The following SLC4A8 variants were observed in gnomAD, a reference collection of about 807,000 sequenced individuals.
SLC4A8 encodes electroneutral sodium bicarbonate exchanger 1.
In SLC4A8, 40 loss-of-function variants were observed where a neutral mutation model predicts 125.0. The ratio of observed to expected loss-of-function variants is 0.32; its 90% CI spans 0.25 to 0.42. The LOEUF (loss-of-function observed/expected upper bound fraction) is 0.42. Among genes scored for constraint, SLC4A8 ranks in the 10% least tolerant of loss-of-function variants. The pLI is 1.00. For missense variants in SLC4A8, 863 were observed against 1,355.1 expected (o/e 0.64, Z 5.70); for synonymous variants, 456 against 476.0 (o/e 0.96, Z 0.55).
chr12:51,415,368 C>T (rs966045048), intron 1 of SLC4A8, among the ~76,000 whole-genome samples: 2 of 152,108 alleles, frequency 1.3e-5, no homozygotes, highest in South Asian at 4.1e-4. Context: ...CTATCCAGTT[C>T]TGGGTTTTTC....
intron 19 of SLC4A8, among the ~76,000 whole-genome samples, chr12:51,491,314 G>A (rs571700604): frequency 6.6e-6 from 1 of 152,254 alleles, no homozygotes; most frequent in South Asian, 2.1e-4. Context: ...TCAGGGAAAA[G>A]AGACGACGTA....
intron 6 of SLC4A8, among the ~76,000 whole-genome samples, chr12:51,458,068 C>T (rs375602113): frequency 6.6e-6 from 1 of 152,256 alleles, no homozygotes; most frequent in East Asian, 1.9e-4. Flanking sequence ...TTGTGAACTT[C>T]AATGAGTTAA....
At position 51,442,071 on chromosome 12, in the gene SLC4A8, A is replaced by G. The variant is rs569938785; in HGVS notation, c.130+1282A>G. ...TACAAGTTGTCCTTTTCATCTTCAT[A>G]GCACCCCAGGCAGGTAGGTATCATT... On this transcript the variant is annotated intron_variant, in intron 2 of 24. Coordinates refer to ENST00000453097, the MANE Select transcript of SLC4A8 (RefSeq NM_001039960.3). 4.6e-5 allele frequency among the ~76,000 whole-genome samples: 7 copies of G among 152,292 alleles called. No homozygotes were observed. The South Asian group carries it at 1.5e-3, about 32-fold the overall frequency.
chr12:51,476,773 C>A (rs1283937807), intron 16 of SLC4A8, among the ~76,000 whole-genome samples: 1 of 152,064 alleles, frequency 6.6e-6, no homozygotes, highest in Non-Finnish European at 1.5e-5. Flanking sequence ...AAATAAAAAA[C>A]CTTCTTGGTG....
At chr12:51,462,576 C>A in intron 10 of SLC4A8, 120 bp downstream of exon 10, 1 of 707,828 alleles carries the variant, frequency 1.4e-6, no homozygotes, top group Non-Finnish European at 2.1e-6. Context: ...TTTTGGTGCA[C>A]CTAGAATATC....
chr12:51,504,033 C>T lies in SLC4A8; in HGVS notation c.3086C>T (p.Ala1029Val). Residue 1029 changes from alanine to valine, a missense_variant, in exon 23 of 25, where the codon GCT (alanine) becomes GTT (valine). Physicochemically the swap from Ala to Val is moderately conservative, Grantham distance 64. Coordinates refer to ENST00000453097, the MANE Select transcript of SLC4A8 (RefSeq NM_001039960.3). ...AKKKAKEEEE[A>V]EKMLEIGGDK... is the part of the protein sequence containing the mutation. ...TAATGTTTCTTTTTCTTCCAGGAGGCTGAGAAAATGTTAGAAATTGGGGGA... is the reference window on the plus strand; with the variant it reads ...TAATGTTTCTTTTTCTTCCAGGAGGTTGAGAAAATGTTAGAAATTGGGGGA... The T allele has an allele frequency of 6.4e-7, 1 of 1,565,300 alleles. No individual in the cohort carries two copies. The highest frequency in any genetic ancestry group is 8.7e-7 in the Non-Finnish European group (1 of 1,148,832).
At chr12:51,438,770 C>T (rs1949498678) in intron 1 of SLC4A8, among the ~76,000 whole-genome samples, 4 of 152,148 alleles carry the variant, frequency 2.6e-5, no homozygotes, top group Admixed American at 2.6e-4. Flanking sequence ...CTTTCTTCTT[C>T]ATATCCTTGC....
chr12:51,407,450 G>A (rs1466450810), intron 1 of SLC4A8, among the ~76,000 whole-genome samples: 1 of 150,144 alleles, frequency 6.7e-6, no homozygotes, highest in Non-Finnish European at 1.5e-5. Context: ...TTTTTTTTTG[G>A]TAGAAATGAG....
chr12:51,460,645 T>C (rs751738702), intron 8 of SLC4A8, among the ~76,000 whole-genome samples: 1 of 152,232 alleles, frequency 6.6e-6, no homozygotes, highest in Non-Finnish European at 1.5e-5. Context: ...AGGTATTTGT[T>C]TCCCTTTGCA....
intron 6 of SLC4A8, among the ~76,000 whole-genome samples, chr12:51,458,335 G>A (rs1194039007): frequency 6.6e-6 from 1 of 152,190 alleles, no homozygotes; most frequent in Non-Finnish European, 1.5e-5. Flanking sequence ...GGTCATAAAT[G>A]TGTTCAGAAA....
At chr12:51,461,352 T>A in intron 9 of SLC4A8, 61 bp downstream of exon 9, 2 of 977,084 alleles carry the variant, frequency 2.0e-6, no homozygotes, top group Non-Finnish European at 3.3e-6. Context: ...ATTTACTCTG[T>A]GCCAGGCAAT....
At chr12:51,474,654 C>A in intron 15 of SLC4A8, 1 of 856,814 alleles carries the variant, frequency 1.2e-6, no homozygotes, top group Admixed American at 2.8e-5. Flanking sequence ...TCTTTTCTCC[C>A]CCCTACATCC....
chr12:51,508,410 G>A lies in SLC4A8; in HGVS notation c.*972G>A, dbSNP rs1419660227. On this transcript the variant is annotated 3_prime_UTR_variant, in exon 25 of 25. Transcript: ENST00000453097. ...GATGTTTTTATTGGCCATTTTGCGG[G>A]ACTCTTCGACTTCTTGCTGCTGTCT... 2 of 151,036 alleles carry A rather than the reference G, an allele frequency of 1.3e-5. No individual in the cohort carries two copies. Among genetic ancestry groups the A allele is most frequent in the East Asian group, 3.9e-4 (2 of 5,082 alleles). The allele number at this position is 151,036 out of a possible 1,614,324, so 9.4% of individuals were successfully genotyped here.
chr12:51,450,784 TA>T, intron 2 of SLC4A8, 91 bp from the exon 3 acceptor site: 2 of 1,365,522 alleles, frequency 1.5e-6, no homozygotes, highest in Non-Finnish European at 2.1e-6. Context: ...AGAACTGTGA[TA>T]TTTTTTTCTC....
rs187417147 is a variant in SLC4A8 at position 51,480,230 on chromosome 12, C to T, written c.2172+5024C>T. 3.4e-4 allele frequency: 432 copies of T among 1,262,470 alleles called. 1 individual carries two copies. The highest frequency in any genetic ancestry group is 4.3e-4 in the Middle Eastern group (2 of 4,606). The allele number at this position is 1,262,470 out of a possible 1,614,324, so 78.2% of individuals were successfully genotyped here. ...CTGGGATTACAAGCATGAGCCTGGC[C>T]AAGTGCTATTCTTTATTTCAGATTG... On this transcript the variant is annotated intron_variant, in intron 16 of 24. Coordinates refer to ENST00000453097, the MANE Select transcript of SLC4A8 (RefSeq NM_001039960.3).
At chr12:51,419,865 A>G (rs1238823866), upstream of SLC4A8, among the ~76,000 whole-genome samples, 1 of 152,204 alleles carries the variant, frequency 6.6e-6, no homozygotes, top group East Asian at 1.9e-4. Flanking sequence ...GTTGATGATG[A>G]CGAATAGTGG....
At chr12:51,448,758 A>C (rs1043352967) in intron 2 of SLC4A8, among the ~76,000 whole-genome samples, 42 of 152,228 alleles carry the variant, frequency 2.8e-4, no homozygotes, top group African/African-American at 9.4e-4. Context: ...AGATTTGGTG[A>C]ATGAGTGGTG....
At chr12:51,474,031 A>AAAG (rs1950789237) in intron 14 of SLC4A8, among the ~76,000 whole-genome samples, 1 of 85,468 alleles carries the variant, frequency 1.2e-5, no homozygotes, top group African/African-American at 4.3e-5. Flanking sequence ...AAAACAAAAA[A>AAAG]ACAAAACAAA....
chr12:51,493,863 C>A, intron 20 of SLC4A8, 91 bp downstream of exon 20: 1 of 833,694 alleles, frequency 1.2e-6, no homozygotes, highest in Non-Finnish European at 2.1e-6. Flanking sequence ...GAAGCACAAC[C>A]AGTTCTTGAG....
Sources: allele counts gnomAD v4.1 joint callset (sites outside exome capture counted in the v4.1 genomes callset), GRCh38; gene constraint gnomAD v4.1.1; transcripts MANE v1.5; gene names NCBI Gene and HGNC (gene_info 2026-07-23, HGNC 2026-07-21).